Variants in ANXA8 observed in about 807,000 individuals in gnomAD.
The protein encoded by ANXA8 is VAC-beta.
ANXA8 carries 9 observed loss-of-function variants against 26.8 expected under a neutral mutation model. That is an observed-to-expected ratio of 0.34 (90% CI 0.20 to 0.59). ANXA8 has a LOEUF of 0.59. Among genes scored for constraint, ANXA8 ranks in the 20% least tolerant of loss-of-function variants. ANXA8 has a pLI of 0.84. For missense variants in ANXA8, 83 were observed against 238.5 expected (o/e 0.35, Z 4.29); for synonymous variants, 39 against 94.8 (o/e 0.41, Z 3.42).
At chr10:47,733,229 T>G in the ANXA8 span, among the ~76,000 whole-genome samples, 5 of 67,912 alleles carry the variant, frequency 7.4e-5, no homozygotes, top group Non-Finnish European at 1.5e-4. Context: ...TTCTCTTTCT[T>G]TCTCTCTTTC....
At chr10:47,951,831 A>G in the ANXA8 span, among the ~76,000 whole-genome samples, 1 of 149,048 alleles carries the variant, frequency 6.7e-6, no homozygotes, top group Non-Finnish European at 1.5e-5. Context: ...AAAAAAAAAA[A>G]AAAAAGGAAT....
chr10:47,896,983 T>C, the ANXA8 span, among the ~76,000 whole-genome samples: 1 of 142,968 alleles, frequency 7.0e-6, no homozygotes, highest in Non-Finnish European at 1.5e-5. Flanking sequence ...CAGGCTGGAG[T>C]TCAGTGGCGC....
the ANXA8 span, among the ~76,000 whole-genome samples, chr10:47,647,115 A>G: frequency 6.6e-6 from 1 of 152,264 alleles, no homozygotes; most frequent in Non-Finnish European, 1.5e-5. Flanking sequence ...CACTATTAAC[A>G]TCACTTTGCT....
the ANXA8 span, among the ~76,000 whole-genome samples, chr10:47,584,933 C>T: frequency 6.9e-6 from 1 of 145,618 alleles, no homozygotes; most frequent in Non-Finnish European, 1.5e-5. Flanking sequence ...ACTAAAAATA[C>T]AAAAATTAGC....
At chr10:47,743,329 C>CATATATATATATACACATAT in the ANXA8 span, among the ~76,000 whole-genome samples, 1 of 47,784 alleles carries the variant, frequency 2.1e-5, no homozygotes, top group Non-Finnish European at 4.2e-5. Context: ...TATATATATA[C>CATATATATATATACACATAT]ATATATATAT....
At chr10:47,473,726 C>T (rs1433461300) in intron 9 of ANXA8, among the ~76,000 whole-genome samples, 3 of 12 alleles carry the variant, frequency 0.25, no homozygotes, top group African/African-American at 0.5. Flanking sequence ...TGCAGACACA[C>T]CCACACAGCA....
At chr10:47,777,872 A>G in the ANXA8 span, among the ~76,000 whole-genome samples, 1 of 151,618 alleles carries the variant, frequency 6.6e-6, no homozygotes, top group Non-Finnish European at 1.5e-5. Flanking sequence ...CTCCCACTTC[A>G]GCCTTCAGAG....
chr10:47,652,309 A>T, the ANXA8 span, among the ~76,000 whole-genome samples: 1 of 151,728 alleles, frequency 6.6e-6, no homozygotes, highest in Non-Finnish European at 1.5e-5. Flanking sequence ...AATTAAAAAA[A>T]AGTATAGGCC....
the ANXA8 span, among the ~76,000 whole-genome samples, chr10:47,957,917 A>G: frequency 6.6e-6 from 1 of 150,460 alleles, no homozygotes; most frequent in African/African-American, 2.5e-5. Flanking sequence ...ATTCAATAAT[A>G]AGAAGACAAA....
the ANXA8 span, among the ~76,000 whole-genome samples, chr10:47,748,067 T>C: frequency 2.0e-5 from 3 of 152,104 alleles, no homozygotes; most frequent in African/African-American, 7.2e-5. Context: ...CATATGTAAC[T>C]GGAGTCTTAG....
At chr10:47,653,155 T>C in the ANXA8 span, among the ~76,000 whole-genome samples, 1 of 150,356 alleles carries the variant, frequency 6.7e-6, no homozygotes, top group African/African-American at 2.5e-5. Flanking sequence ...CTACTAAAAA[T>C]ACAAAGATTA....
the ANXA8 span, among the ~76,000 whole-genome samples, chr10:47,698,024 G>C: frequency 1.3e-5 from 2 of 148,798 alleles, no homozygotes; most frequent in Non-Finnish European, 3.0e-5. Flanking sequence ...AAAGAGCCGA[G>C]ATATATTTGT....
the ANXA8 span, chr10:47,706,736 A>C: frequency 1.4e-5 from 21 of 1,466,540 alleles, 3 homozygotes; most frequent in Non-Finnish European, 1.9e-5. Flanking sequence ...TCACAAGGCA[A>C]GTCTTCATGC....
At chr10:47,508,141 C>T in the ANXA8 span, among the ~76,000 whole-genome samples, 1 of 111,520 alleles carries the variant, frequency 9.0e-6, no homozygotes. Context: ...CTCGGCTCAC[C>T]ACAACCTCTG....
the ANXA8 span, among the ~76,000 whole-genome samples, chr10:47,664,286 G>GAGA: frequency 6.6e-6 from 1 of 152,076 alleles, no homozygotes; most frequent in African/African-American, 2.4e-5. Flanking sequence ...GCTGAGGCAG[G>GAGA]AGAATTGCTT....
At chr10:47,682,589 C>T in the ANXA8 span, among the ~76,000 whole-genome samples, 1 of 151,446 alleles carries the variant, frequency 6.6e-6, no homozygotes, top group Non-Finnish European at 1.5e-5. Context: ...CCTGCCTCAG[C>T]CTCCTGAGTA....
chr10:47,633,104 G>A, the ANXA8 span, among the ~76,000 whole-genome samples: 1 of 149,236 alleles, frequency 6.7e-6, no homozygotes, highest in Non-Finnish European at 1.5e-5. Flanking sequence ...ACTAGTCATG[G>A]GAGCACTGTC....
the ANXA8 span, among the ~76,000 whole-genome samples, chr10:47,553,907 G>C: frequency 6.7e-6 from 1 of 149,190 alleles, no homozygotes; most frequent in Non-Finnish European, 1.5e-5. Flanking sequence ...GACTATGGCT[G>C]GATTGGGAGT....
At chr10:47,706,631 A>G in the ANXA8 span, 2 of 918,944 alleles carry the variant, frequency 2.2e-6, no homozygotes, top group Non-Finnish European at 3.4e-6. Context: ...CTTGGAATGC[A>G]GCTTTTTTGG....
Sources: allele counts gnomAD v4.1 joint callset (sites outside exome capture counted in the v4.1 genomes callset), GRCh38; gene constraint gnomAD v4.1.1; transcripts MANE v1.5; gene names NCBI Gene and HGNC (gene_info 2026-07-23, HGNC 2026-07-21).